Variants in WASHC4 observed in about 807,000 individuals in gnomAD.
WASHC4 encodes WASH complex subunit 7.
In WASHC4, 86 loss-of-function variants were observed where a neutral mutation model predicts 166.6. That is an observed-to-expected ratio of 0.52 (90% CI 0.43 to 0.62). The LOEUF is 0.62. Among genes scored for constraint, WASHC4 ranks in the 20% least tolerant of loss-of-function variants. The pLI, the probability that WASHC4 is intolerant of heterozygous loss-of-function variation, is 0.00. For synonymous variants in WASHC4, 446 were observed against 451.6 expected (o/e 0.99, Z 0.16); for missense variants, 1,262 against 1,382.4 (o/e 0.91, Z 1.38).
Position 105,115,241 on chromosome 12 carries a change from A to G in WASHC4, c.367+12A>G, listed in dbSNP as rs2135725863. The G allele has an allele frequency of 1.3e-6, 2 of 1,536,182 alleles. No homozygotes were observed. The highest frequency in any genetic ancestry group is 4.5e-5 in the East Asian group (2 of 44,332). On this transcript the variant is annotated intron_variant, in intron 5 of 32. Coordinates refer to ENST00000332180, the MANE Select transcript of WASHC4 (RefSeq NM_015275.3). Reference sequence around the variant, plus strand: ...TTATGGAGAAGGAGGTAAGTTTAAAATTCCAAATTGTGATGCCTTTTTGAT... The same window carrying G: ...TTATGGAGAAGGAGGTAAGTTTAAAGTTCCAAATTGTGATGCCTTTTTGAT...
chr12:105,112,528 A>G (rs560841187), intron 2 of WASHC4, among the ~76,000 whole-genome samples: 1 of 152,274 alleles, frequency 6.6e-6, no homozygotes, highest in Admixed American at 6.5e-5. Flanking sequence ...ACCATTTTAC[A>G]TTACTACCAG....
intron 7 of WASHC4, among the ~76,000 whole-genome samples, chr12:105,119,448 T>A (rs1169538919): frequency 6.6e-6 from 1 of 152,214 alleles, no homozygotes; most frequent in Non-Finnish European, 1.5e-5. Flanking sequence ...AAGAGCAATT[T>A]TGGCACTGTT....
At position 105,126,013 on chromosome 12, in the gene WASHC4, G is replaced by A. The variant is rs751202172; in HGVS notation, c.796G>A (p.Glu266Lys). 18 of 1,612,180 alleles carry A rather than the reference G, an allele frequency of 1.1e-5. No individual in the cohort carries two copies. Among genetic ancestry groups the A allele is most frequent in the Non-Finnish European group, 1.5e-5 (18 of 1,178,826 alleles). The change falls in exon 11 of 33, where the codon GAA (glutamate) becomes AAA (lysine). Residue 266 changes from glutamate (E) to lysine (K), a missense_variant. Coordinates refer to ENST00000332180, the MANE Select transcript of WASHC4 (RefSeq NM_015275.3). Reference sequence around the variant, plus strand: ...AATGTTTCCTGTCTAGGCCTGTATAGAACAACAATTTGATTCTCTCAATGG... The same window carrying A: ...AATGTTTCCTGTCTAGGCCTGTATAAAACAACAATTTGATTCTCTCAATGG... ...LDGMIFQACI[E>K]QQFDSLNGGV...
chr12:105,149,502 G>A (rs1319026031), intron 24 of WASHC4, 113 bp from the exon 25 acceptor site: 3 of 978,914 alleles, frequency 3.1e-6, no homozygotes, highest in South Asian at 2.8e-5. Context: ...TTTTTAAATA[G>A]TACTTTATAG....
intron 6 of WASHC4, among the ~76,000 whole-genome samples, chr12:105,117,798 C>G (rs1006402164): frequency 6.6e-6 from 1 of 152,124 alleles, no homozygotes; most frequent in Non-Finnish European, 1.5e-5. Context: ...CAGATACACA[C>G]TGTTTCTATA....
intron 26 of WASHC4, among the ~76,000 whole-genome samples, chr12:105,155,485 A>C (rs538982725): frequency 0.011 from 1 of 94 alleles, no homozygotes; most frequent in East Asian, 0.5. Context: ...GAGGGGTGCA[A>C]GATCGATGTC....
intron 12 of WASHC4, 125 bp from the exon 13 acceptor site, chr12:105,127,004 A>G: frequency 1.3e-6 from 1 of 767,770 alleles, no homozygotes; most frequent in Non-Finnish European, 2.2e-6. Context: ...ATATATTAAT[A>G]AGTATTTTTT....
chr12:105,119,866 C>G (rs1460741305), intron 7 of WASHC4, among the ~76,000 whole-genome samples: 5 of 152,152 alleles, frequency 3.3e-5, no homozygotes, highest in Admixed American at 3.3e-4. Context: ...TGGTATAATT[C>G]TAGTAGTATG....
intron 15 of WASHC4, among the ~76,000 whole-genome samples, chr12:105,138,295 A>G (rs1882494718): frequency 6.6e-6 from 1 of 152,024 alleles, no homozygotes; most frequent in African/African-American, 2.4e-5. Context: ...AAGAAAATGG[A>G]AAAGTTAACT....
chr12:105,146,633 A>T, intron 23 of WASHC4, 107 bp downstream of exon 23: 1 of 706,586 alleles, frequency 1.4e-6, no homozygotes, highest in Non-Finnish European at 2.5e-6. Context: ...GAAACAAAAA[A>T]TAATTGTTTT....
intron 28 of WASHC4, among the ~76,000 whole-genome samples, chr12:105,158,957 G>A (rs1256058311): frequency 2.0e-5 from 3 of 152,154 alleles, no homozygotes; most frequent in Admixed American, 1.3e-4. Context: ...AAATAAAAAA[G>A]TATATGGGAA....
chr12:105,149,735 CA>C lies in WASHC4; in HGVS notation c.2639del (p.Asn880MetfsTer22). On this transcript the variant is annotated frameshift_variant, in exon 25 of 33. Coordinates refer to ENST00000332180, the MANE Select transcript of WASHC4 (RefSeq NM_015275.3). LOFTEE classifies it high-confidence loss of function. ...DIRFFREIKDQNDHKYPFDRA... is the reference protein window; with the variant it reads ...DIRFFREIKDXNDHKYPFDRA... The stretch of plus-strand genomic sequence containing the variant: ...TCGATTTTTCAGGGAAATTAAGGAC[CA>C]AAATGATCATAAGGTAGGCTACCTA... 1 of 1,595,030 alleles carries C rather than the reference CA, an allele frequency of 6.3e-7. No individual in the cohort carries two copies. The highest frequency in any genetic ancestry group is 8.6e-7 in the Non-Finnish European group (1 of 1,165,204).
intron 14 of WASHC4, 55 bp from the exon 15 acceptor site, chr12:105,137,831 T>G: frequency 1.3e-6 from 2 of 1,481,822 alleles, no homozygotes; most frequent in Admixed American, 3.4e-5. Flanking sequence ...AAATAGATAA[T>G]GAAATCTTGA....
chr12:105,111,064 G>A, intron 1 of WASHC4, 61 bp from the exon 2 acceptor site: 1 of 1,248,122 alleles, frequency 8.0e-7, no homozygotes, highest in Non-Finnish European at 1.2e-6. Context: ...GTTATTTGAA[G>A]TAAATGTCCT....
At chr12:105,156,288 A>G (rs576952804) in intron 26 of WASHC4, among the ~76,000 whole-genome samples, 10 of 152,288 alleles carry the variant, frequency 6.6e-5, no homozygotes, top group African/African-American at 2.4e-4. Flanking sequence ...TCGGATAAAA[A>G]AACCTAGAGT....
intron 14 of WASHC4, among the ~76,000 whole-genome samples, chr12:105,134,327 C>T (rs1882120591): frequency 6.6e-6 from 1 of 152,038 alleles, no homozygotes; most frequent in African/African-American, 2.4e-5. Context: ...AAACATTTCA[C>T]GTCTACTTGA....
At chr12:105,154,074 A>G (rs958947140) in intron 26 of WASHC4, among the ~76,000 whole-genome samples, 53 of 149,046 alleles carry the variant, frequency 3.6e-4, no homozygotes, top group African/African-American at 1.2e-3. Context: ...TCTGTCACCC[A>G]GGCTGGAGTG....
Position 105,147,127 on chromosome 12 carries a change from C to G in WASHC4, c.2495C>G (p.Thr832Arg). The G allele has an allele frequency of 3.1e-6, 5 of 1,601,634 alleles. No homozygotes were observed. The highest frequency in any genetic ancestry group is 4.3e-6 in the Non-Finnish European group (5 of 1,168,674). ...GCTAATTCAATTCGAACACATGGCA[C>G]GGGAATTATGAATACAACTGTAAGA... Reference protein sequence around the residue: ...HIANSIRTHGTGIMNTTVNFT... With the variant: ...HIANSIRTHGRGIMNTTVNFT... The change falls in exon 24 of 33, where the codon ACG becomes AGG. Residue 832 changes from threonine to arginine, a missense_variant. By Grantham distance (71) the Thr-to-Arg change is moderately conservative (BLOSUM62 -1). Transcript: ENST00000332180.
rs541575409 is a variant in WASHC4, at chr12:105,152,845, T to C, written c.2758+394T>C. On this transcript the variant is annotated intron_variant, in intron 26 of 32. Transcript: ENST00000332180. ...TATAAAATATTTACATGAAAAGTTATTAAGTTCTATGTTACACCATTTTAC... is the reference window on the plus strand; with the variant it reads ...TATAAAATATTTACATGAAAAGTTACTAAGTTCTATGTTACACCATTTTAC... Among the ~76,000 whole-genome samples the C allele has an allele frequency of 1.1e-4, 16 of 152,336 alleles. 1 individual carries two copies. Among genetic ancestry groups the C allele is most frequent in the Admixed American group, 2.6e-4 (4 of 15,300 alleles).
Sources: gnomAD v4.1 joint callset for allele counts (sites outside exome capture counted in the v4.1 genomes callset) on GRCh38, gnomAD v4.1.1 for gene constraint, MANE v1.5 for transcripts, NCBI Gene and HGNC (gene_info 2026-07-23, HGNC 2026-07-21) for gene names.